Variants in ZDHHC21 observed in about 807,000 individuals in gnomAD.
ZDHHC21 encodes the protein palmitoyltransferase ZDHHC21.
A neutral mutation model predicts 34.6 loss-of-function variants in ZDHHC21; 15 were observed. That is an observed-to-expected ratio of 0.43 (90% confidence interval 0.29 to 0.67). The LOEUF is 0.67. Among genes scored for constraint, ZDHHC21 ranks in the 30% least tolerant of loss-of-function variants. The pLI, the probability that ZDHHC21 is intolerant of heterozygous loss-of-function variation, is 0.14. For synonymous variants in ZDHHC21, 142 were observed against 101.8 expected (o/e 1.40, Z -2.38); for missense variants, 344 against 327.7 (o/e 1.05, Z -0.38).
intron 8 of ZDHHC21, among the ~76,000 whole-genome samples, chr9:14,637,450 G>A (rs1325862007): frequency 6.6e-6 from 1 of 151,896 alleles, no homozygotes; most frequent in Non-Finnish European, 1.5e-5. Flanking sequence ...CAACTTCACT[G>A]CAAATTCTAC....
chr9:14,677,653 A>AT (rs1454737984), intron 3 of ZDHHC21, among the ~76,000 whole-genome samples: 1 of 152,070 alleles, frequency 6.6e-6, no homozygotes, highest in Admixed American at 6.6e-5. Flanking sequence ...GTACTTCAAC[A>AT]TTTTTTAAGA....
the ZDHHC21 span, among the ~76,000 whole-genome samples, chr9:14,595,314 G>GTT: frequency 6.6e-6 from 1 of 152,238 alleles, no homozygotes; most frequent in East Asian, 1.9e-4. Flanking sequence ...ATAAGACAGA[G>GTT]TTCTGTTCAA....
intron 7 of ZDHHC21, among the ~76,000 whole-genome samples, chr9:14,643,550 T>C (rs1829773239): frequency 1.3e-5 from 2 of 152,238 alleles, no homozygotes; most frequent in Admixed American, 1.3e-4. Flanking sequence ...ATCTTTTCCT[T>C]TAGTGCTTTT....
At chr9:14,590,414 A>C in the ZDHHC21 span, among the ~76,000 whole-genome samples, 1 of 152,164 alleles carries the variant, frequency 6.6e-6, no homozygotes, top group African/African-American at 2.4e-5. Flanking sequence ...CTCAAATTTA[A>C]ACTCAAGTAG....
At chr9:14,625,391 G>T (rs1406361321) in intron 8 of ZDHHC21, among the ~76,000 whole-genome samples, 1 of 151,970 alleles carries the variant, frequency 6.6e-6, no homozygotes, top group Non-Finnish European at 1.5e-5. Flanking sequence ...TAGAACAAAA[G>T]TGAGAAGGCA....
chr9:14,624,638 T>C (rs145721184), intron 8 of ZDHHC21, among the ~76,000 whole-genome samples: 3 of 152,088 alleles, frequency 2.0e-5, no homozygotes, highest in East Asian at 3.9e-4. Flanking sequence ...TAGCAGAGAC[T>C]GGGGAGGGTA....
At chr9:14,670,842 G>A (rs1446736134) in intron 5 of ZDHHC21, among the ~76,000 whole-genome samples, 1 of 151,940 alleles carries the variant, frequency 6.6e-6, no homozygotes, top group Admixed American at 6.6e-5. Context: ...CTTTTGCCTT[G>A]TGTAGCAAGA....
chr9:14,650,254 T>C (rs1423129434), intron 7 of ZDHHC21, among the ~76,000 whole-genome samples: 1 of 151,970 alleles, frequency 6.6e-6, no homozygotes, highest in African/African-American at 2.4e-5. Context: ...CATTATTCTT[T>C]TCAAGCAAAA....
In ZDHHC21 at chr9:14,617,248, T is replaced by C. The variant is rs1824367907; in HGVS notation, c.*1718A>G. Reference sequence around the variant, plus strand: ...TTATAAATATATTTCTTCTATTTAATTTACTACGTCTCTTTTCAGTACCAA... The same window carrying C: ...TTATAAATATATTTCTTCTATTTAACTTACTACGTCTCTTTTCAGTACCAA... On this transcript the variant is annotated 3_prime_UTR_variant, in exon 10 of 10. Transcript: ENST00000380916. 1 of 151,980 alleles carries C rather than the reference T, an allele frequency of 6.6e-6. No individual in the cohort carries two copies. The highest frequency in any genetic ancestry group is 2.1e-4 in the South Asian group (1 of 4,838). 9.4% of individuals were successfully genotyped at this position (151,980 alleles called of 1,614,324 possible).
the ZDHHC21 span, among the ~76,000 whole-genome samples, chr9:14,596,793 T>C: frequency 6.6e-6 from 1 of 151,906 alleles, no homozygotes; most frequent in Non-Finnish European, 1.5e-5. Context: ...TGGCTAGAGG[T>C]ACGTGGCACT....
intron 8 of ZDHHC21, among the ~76,000 whole-genome samples, chr9:14,628,894 C>T (rs1184424786): frequency 6.6e-6 from 1 of 152,072 alleles, no homozygotes; most frequent in Non-Finnish European, 1.5e-5. Context: ...TTTAAATAAT[C>T]AAGCCTCAAA....
intron 2 of ZDHHC21, among the ~76,000 whole-genome samples, chr9:14,682,959 G>C (rs929876163): frequency 6.6e-6 from 1 of 152,130 alleles, no homozygotes; most frequent in Admixed American, 6.6e-5. Flanking sequence ...ACGAAATGAA[G>C]GCAGAAATAA....
chr9:14,684,065 G>T (rs10961664), intron 2 of ZDHHC21, among the ~76,000 whole-genome samples: 47,080 of 151,674 alleles, frequency 0.31, 7,357 homozygotes, highest in South Asian at 0.4. Context: ...AATAATCAGA[G>T]CTATTTATGA....
At chr9:14,625,597 A>G (rs1383465842) in intron 8 of ZDHHC21, among the ~76,000 whole-genome samples, 1 of 151,990 alleles carries the variant, frequency 6.6e-6, no homozygotes, top group Admixed American at 6.6e-5. Context: ...AAAACCCCTT[A>G]TAACTCCTCA....
At chr9:14,629,864 T>C (rs1390410913) in intron 8 of ZDHHC21, among the ~76,000 whole-genome samples, 2 of 152,084 alleles carry the variant, frequency 1.3e-5, no homozygotes, top group East Asian at 3.9e-4. Context: ...CTGGCCAACA[T>C]GGTGAAATCC....
chr9:14,614,860 C>G lies in ZDHHC21; in HGVS notation c.*4106G>C, dbSNP rs1485789294. 6.6e-6 allele frequency: 1 copy of G among 151,494 alleles called. No homozygotes were observed. The highest frequency in any genetic ancestry group is 1.9e-4 in the East Asian group (1 of 5,170). The allele number at this position is 151,494 out of a possible 1,614,324, so 9.4% of individuals were successfully genotyped here. The stretch of plus-strand genomic sequence containing the variant: ...CAATGTTTGTATGTGTGAATTTTAT[C>G]AAATAAATTCTAGATATATCTATGT... On this transcript the variant is annotated 3_prime_UTR_variant, in exon 10 of 10. Coordinates refer to ENST00000380916, the MANE Select transcript of ZDHHC21 (RefSeq NM_178566.6).
intron 7 of ZDHHC21, among the ~76,000 whole-genome samples, chr9:14,653,859 C>A (rs978363724): frequency 6.6e-6 from 1 of 151,970 alleles, no homozygotes; most frequent in South Asian, 2.1e-4. Context: ...GAGACCAACA[C>A]TCACACCAAA....
intron 7 of ZDHHC21, among the ~76,000 whole-genome samples, chr9:14,651,427 G>A (rs1831223215): frequency 6.6e-6 from 1 of 151,820 alleles, no homozygotes; most frequent in Admixed American, 6.6e-5. Context: ...TTAGGGACAT[G>A]GGCCCAAATC....
intron 6 of ZDHHC21, among the ~76,000 whole-genome samples, chr9:14,660,128 G>A (rs914017442): frequency 1.3e-5 from 2 of 152,108 alleles, no homozygotes; most frequent in Non-Finnish European, 2.9e-5. Context: ...AACTTTGGGA[G>A]GCCGAGGGGA....
Sources: allele counts gnomAD v4.1 joint callset (sites outside exome capture counted in the v4.1 genomes callset), GRCh38; gene constraint gnomAD v4.1.1; transcripts MANE v1.5; gene names NCBI Gene and HGNC (gene_info 2026-07-23, HGNC 2026-07-21).